PKHD1: variants seen among roughly 807,000 people sequenced by gnomAD.
The protein encoded by PKHD1 is PKHD1 ciliary IPT domain containing fibrocystin/polyductin.
In PKHD1, 291 loss-of-function variants were observed where a neutral mutation model predicts 412.0. The ratio of observed to expected loss-of-function variants is 0.71; its 90% CI spans 0.64 to 0.78. PKHD1 has a LOEUF of 0.78. Among genes scored for constraint, PKHD1 ranks in the 30% least tolerant of loss-of-function variants. The probability of loss-of-function intolerance (pLI) is 0.00; values close to 1 mark genes in which losing one functional copy is unlikely to be tolerated. For synonymous variants in PKHD1, 1,777 were observed against 1,821.5 expected, an observed-to-expected ratio of 0.98 and a Z score of 0.62; for missense variants, 4,825 against 4,950.7, an observed-to-expected ratio of 0.97 and a Z score of 0.76.
intron 42 of PKHD1, 24 bp downstream of exon 42, chr6:51,903,962 T>A (rs1232715433): frequency 1.6e-5 from 23 of 1,481,602 alleles, no homozygotes; most frequent in Non-Finnish European, 2.2e-5. Context: ...CTGTAATAGA[T>A]TTAAAATCAA....
chr6:52,053,217 A>C lies in PKHD1; in HGVS notation c.1999T>G (p.Cys667Gly), dbSNP rs561896584. ...QFDCTDLWET[C>G]VRCFGDLQPP... ...TGGAGATCCCCGAAGCAACGCACAC[A>C]AGTCTCCCAGAGGTCAGTGCAATCG... is the stretch of plus-strand genomic sequence containing the variant. The change falls in exon 21 of 67, where the codon TGT becomes GGT. Residue 667 changes from cysteine to glycine, a missense_variant. Coordinates refer to ENST00000371117, the MANE Select transcript of PKHD1 (RefSeq NM_138694.4). The C allele has an allele frequency of 6.2e-7, 1 of 1,614,232 alleles. No homozygotes were observed. The highest frequency in any genetic ancestry group is 2.2e-5 in the East Asian group (1 of 44,882).
intron 26 of PKHD1, 150 bp downstream of exon 26, chr6:52,043,475 C>A (rs1805263693): frequency 1.1e-5 from 8 of 701,782 alleles, no homozygotes; most frequent in Non-Finnish European, 2.1e-5. Flanking sequence ...CTTAGATGGA[C>A]CAAAAAATAC....
intron 66 of PKHD1, chr6:51,622,837 G>A (rs1297286830): frequency 2.6e-5 from 4 of 152,064 alleles, no homozygotes; most frequent in Non-Finnish European, 5.9e-5. Flanking sequence ...ACTGATAAAT[G>A]TTCTAAATAG....
At chr6:52,020,278 C>T (rs1404681641) in intron 33 of PKHD1, among the ~76,000 whole-genome samples, 3 of 152,252 alleles carry the variant, frequency 2.0e-5, no homozygotes, top group East Asian at 3.9e-4. Context: ...CACACACACC[C>T]CTTGGGATAA....
At chr6:51,719,354 A>G (rs1781639542) in intron 60 of PKHD1, among the ~76,000 whole-genome samples, 2 of 152,154 alleles carry the variant, frequency 1.3e-5, no homozygotes, top group Non-Finnish European at 2.9e-5. Flanking sequence ...ATGGTCAAAA[A>G]GGAAATCACT....
intron 46 of PKHD1, among the ~76,000 whole-genome samples, chr6:51,881,737 A>C (rs1381607808): frequency 2.0e-5 from 3 of 152,208 alleles, no homozygotes; most frequent in Non-Finnish European, 4.4e-5. Context: ...CCCTAAGTTC[A>C]AGAAGTTAAC....
chr6:52,072,086 G>A (rs1241504667), intron 8 of PKHD1, 29 bp downstream of exon 8: 3 of 1,313,956 alleles, frequency 2.3e-6, no homozygotes, highest in East Asian at 2.3e-5. Flanking sequence ...TTACAAGCAT[G>A]TGCATTGGCA....
rs565724508 is a variant in PKHD1, at chr6:51,677,028, T to C, written c.10157-17059A>G. ...AGAATTAGAGCTACTTAAAGTCTAT[T>C]GAGGGACCATAATATGGTAGTTCTA... On this transcript the variant is annotated intron_variant, in intron 60 of 66. Coordinates refer to ENST00000371117, the MANE Select transcript of PKHD1 (RefSeq NM_138694.4). Among the ~76,000 whole-genome samples the C allele has an allele frequency of 2.6e-5, 4 of 152,236 alleles. No individual in the cohort carries two copies. The South Asian group carries it at 8.3e-4, about 32-fold the overall frequency.
intron 65 of PKHD1, among the ~76,000 whole-genome samples, chr6:51,630,923 G>A (rs1263154153): frequency 2.6e-5 from 4 of 152,066 alleles, no homozygotes; most frequent in African/African-American, 9.7e-5. Context: ...TATCATACAA[G>A]GTAATGTGTC....
intron 60 of PKHD1, among the ~76,000 whole-genome samples, chr6:51,699,621 T>C (rs1779185011): frequency 6.6e-6 from 1 of 152,184 alleles, no homozygotes; most frequent in African/African-American, 2.4e-5. Context: ...GTTAAGTATA[T>C]ATATAACTTT....
At chr6:51,634,168 A>T (rs1313473534) in intron 64 of PKHD1, among the ~76,000 whole-genome samples, 1 of 152,196 alleles carries the variant, frequency 6.6e-6, no homozygotes, top group Non-Finnish European at 1.5e-5. Context: ...CACATAACTC[A>T]GGCAAAAAGA....
At chr6:51,981,893 C>T (rs1466353033) in intron 35 of PKHD1, among the ~76,000 whole-genome samples, 4 of 97,816 alleles carry the variant, frequency 4.1e-5, no homozygotes, top group African/African-American at 1.1e-4. Flanking sequence ...TCCCCGCTGC[C>T]TTCCCATCTA....
chr6:51,844,611 A>G (rs1429326541), intron 50 of PKHD1, among the ~76,000 whole-genome samples: 1 of 152,202 alleles, frequency 6.6e-6, no homozygotes, highest in Non-Finnish European at 1.5e-5. Flanking sequence ...TGGGTTGAAG[A>G]TGAGTCAGGT....
At chr6:51,740,956 G>A (rs1423625799) in intron 60 of PKHD1, among the ~76,000 whole-genome samples, 2 of 152,160 alleles carry the variant, frequency 1.3e-5, no homozygotes, top group African/African-American at 4.8e-5. Flanking sequence ...CAGGGGTTTA[G>A]GCAATCAGTC....
chr6:51,668,770 T>C (rs991834968), intron 60 of PKHD1, among the ~76,000 whole-genome samples: 56 of 152,250 alleles, frequency 3.7e-4, no homozygotes, highest in Middle Eastern at 3.2e-3. Context: ...TGTTGAATTT[T>C]GTCAAAGGCC....
intron 37 of PKHD1, among the ~76,000 whole-genome samples, chr6:51,927,376 A>G (rs1412866048): frequency 6.6e-6 from 1 of 152,084 alleles, no homozygotes; most frequent in African/African-American, 2.4e-5. Context: ...GGGAGAAAAC[A>G]TCTCCTTGGG....
chr6:51,988,888 CAA>C (rs1177346212), intron 35 of PKHD1, among the ~76,000 whole-genome samples: 6 of 152,194 alleles, frequency 3.9e-5, no homozygotes, highest in Admixed American at 3.3e-4. Context: ...GAAGAGATGA[CAA>C]GACAAGTCCT....
chr6:51,619,185 T>C lies in PKHD1; in HGVS notation c.12121A>G (p.Ser4041Gly). 1.2e-6 allele frequency: 2 copies of C among 1,614,264 alleles called. No individual in the cohort carries two copies. The highest frequency in any genetic ancestry group is 1.1e-5 in the South Asian group (1 of 91,092). ...LPGQSRLSKQSGSLGLSQEKK... is the reference protein window; with the variant it reads ...LPGQSRLSKQGGSLGLSQEKK... The stretch of plus-strand genomic sequence containing the variant: ...TCTTGGGAAAGCCCCAAGCTGCCAC[T>C]TTGCTTACTCAGCCGACTTTGCCCT... Residue 4041 changes from serine to glycine, a missense_variant, in exon 67 of 67, where the codon AGT becomes GGT. Transcript: ENST00000371117.
intron 61 of PKHD1, among the ~76,000 whole-genome samples, chr6:51,651,325 C>T (rs961632904): frequency 1.3e-5 from 2 of 152,068 alleles, no homozygotes; most frequent in East Asian, 1.9e-4. Flanking sequence ...CTGTTTTTTA[C>T]GATATGTTAT....
Sources: allele counts gnomAD v4.1 joint callset (sites outside exome capture counted in the v4.1 genomes callset), GRCh38; gene constraint gnomAD v4.1.1; transcripts MANE v1.5; gene names NCBI Gene and HGNC (gene_info 2026-07-23, HGNC 2026-07-21).